ABI1: variants seen among roughly 807,000 people sequenced by gnomAD.
ABI1 encodes abl interactor 1, also known as Abelson interactor 1.
In ABI1, 14 loss-of-function variants were observed where a neutral mutation model predicts 54.6. That is an observed-to-expected ratio of 0.26 (90% CI 0.17 to 0.40). The LOEUF (loss-of-function observed/expected upper bound fraction) is 0.40. Ranked by LOEUF, ABI1 falls within the 10% of genes least tolerant of loss-of-function variation. The pLI, the probability that ABI1 is intolerant of heterozygous loss-of-function variation, is 1.00. For synonymous variants in ABI1, 194 were observed against 209.3 expected (o/e 0.93, Z 0.63); for missense variants, 443 against 598.3 (o/e 0.74, Z 2.71).
At chr10:26,822,419 G>T (rs1426324285) in intron 2 of ABI1, among the ~76,000 whole-genome samples, 3 of 152,062 alleles carry the variant, frequency 2.0e-5, no homozygotes, top group Non-Finnish European at 4.4e-5. Flanking sequence ...GCATACAAAT[G>T]TTTTCATAGG....
chr10:26,808,778 T>C (rs1422220617), intron 2 of ABI1, among the ~76,000 whole-genome samples: 2 of 151,640 alleles, frequency 1.3e-5, no homozygotes, highest in Non-Finnish European at 2.9e-5. Context: ...TTATTCTAAC[T>C]ATGGATTTCA....
At chr10:26,788,719 T>C (rs1175952476) in intron 2 of ABI1, among the ~76,000 whole-genome samples, 1 of 152,036 alleles carries the variant, frequency 6.6e-6, no homozygotes, top group Non-Finnish European at 1.5e-5. Context: ...GAGACTATCC[T>C]GGCTAACACA....
At chr10:26,824,197 T>A (rs1357943925) in intron 1 of ABI1, among the ~76,000 whole-genome samples, 5 of 152,110 alleles carry the variant, frequency 3.3e-5, no homozygotes, top group African/African-American at 1.2e-4. Context: ...AGGAAAGAAA[T>A]GCAAGTGCAA....
At chr10:26,837,379 A>G (rs139810435) in intron 1 of ABI1, among the ~76,000 whole-genome samples, 1 of 152,112 alleles carries the variant, frequency 6.6e-6, no homozygotes, top group Non-Finnish European at 1.5e-5. Flanking sequence ...TCAGGGCTCC[A>G]GCCTTATGAC....
chr10:26,769,050 C>G, intron 5 of ABI1, 58 bp from the exon 6 acceptor site: 1 of 1,348,806 alleles, frequency 7.4e-7, no homozygotes, highest in Non-Finnish European at 9.9e-7. Context: ...TTGTATTTTT[C>G]CCAAAAATAT....
chr10:26,781,913 C>T (rs1461993628), intron 2 of ABI1, among the ~76,000 whole-genome samples: 1 of 152,192 alleles, frequency 6.6e-6, no homozygotes, highest in Non-Finnish European at 1.5e-5. Flanking sequence ...ACATATCTAT[C>T]ATCATAGAGT....
rs548213643 is a variant in ABI1, at chr10:26,781,850, C to T, written c.286-4609G>A. ...TAATCAAGCCACTGATCAAGCTGCA[C>T]GGTTAAGACTGCTACCACTGCTGCT... On this transcript the variant is annotated intron_variant, in intron 2 of 10. Coordinates refer to ENST00000376140, the MANE Select transcript of ABI1 (RefSeq NM_001012750.3). Among the ~76,000 whole-genome samples the T allele has an allele frequency of 1.5e-4, 23 of 152,280 alleles. No homozygotes were observed. In the South Asian group the frequency reaches 3.7e-3, roughly 25 times the overall value.
At chr10:26,842,812 C>T (rs2049627778) in intron 1 of ABI1, among the ~76,000 whole-genome samples, 1 of 152,090 alleles carries the variant, frequency 6.6e-6, no homozygotes. Context: ...TTTAGGAGGC[C>T]GAGGAGGGTG....
intron 10 of ABI1, among the ~76,000 whole-genome samples, chr10:26,749,051 C>T (rs1374172517): frequency 6.6e-6 from 1 of 152,130 alleles, no homozygotes; most frequent in Non-Finnish European, 1.5e-5. Context: ...TACCAAGTGC[C>T]TATCATATGC....
chr10:26,787,057 A>G (rs1347760366), intron 2 of ABI1, among the ~76,000 whole-genome samples: 1 of 152,182 alleles, frequency 6.6e-6, no homozygotes, highest in East Asian at 1.9e-4. Context: ...AAATCCTGTC[A>G]CATCTACCTT....
intron 2 of ABI1, among the ~76,000 whole-genome samples, chr10:26,811,152 G>A (rs2047203510): frequency 6.6e-6 from 1 of 152,024 alleles, no homozygotes; most frequent in African/African-American, 2.4e-5. Flanking sequence ...TCTCTGCTAG[G>A]TGCTATTAAG....
rs554881386 is a variant in ABI1 at position 26,753,218 on chromosome 10, T to C, written c.1085-1435A>G. On this transcript the variant is annotated intron_variant, in intron 9 of 10. Transcript: ENST00000376140. ...AAACCCTATATGGTAATGCTCACTA[T>C]AACACCTATCAAACGGGTCTACAAT... 4.3e-4 allele frequency among the ~76,000 whole-genome samples: 65 copies of C among 152,304 alleles called. 1 individual carries two copies. In the East Asian group the frequency reaches 8.5e-3, roughly 20 times the overall value.
intron 2 of ABI1, among the ~76,000 whole-genome samples, chr10:26,809,846 T>C (rs117250495): frequency 0.015 from 2,271 of 152,164 alleles, 43 homozygotes; most frequent in African/African-American, 0.046. Context: ...GCAAGGAGGG[T>C]AGCATGCCCT....
intron 1 of ABI1, among the ~76,000 whole-genome samples, chr10:26,839,995 A>G (rs973807279): frequency 6.6e-6 from 1 of 152,054 alleles, no homozygotes; most frequent in African/African-American, 2.4e-5. Context: ...GTATCAAAAA[A>G]AACAAAAACA....
At chr10:26,763,142 C>G (rs949698498) in intron 7 of ABI1, among the ~76,000 whole-genome samples, 1 of 152,108 alleles carries the variant, frequency 6.6e-6, no homozygotes, top group African/African-American at 2.4e-5. Flanking sequence ...TCCTTTCTCC[C>G]TTTTCCTTGG....
intron 1 of ABI1, among the ~76,000 whole-genome samples, chr10:26,847,287 A>C (rs1250177790): frequency 1.3e-5 from 2 of 152,156 alleles, no homozygotes; most frequent in African/African-American, 4.8e-5. Flanking sequence ...TTATTCTAAA[A>C]GAATAAGAGT....
chr10:26,834,545 CAA>C (rs1404426478), intron 1 of ABI1, among the ~76,000 whole-genome samples: 1 of 107,880 alleles, frequency 9.3e-6, no homozygotes, highest in East Asian at 2.6e-4. Flanking sequence ...TCAAGACATA[CAA>C]AACACACACA....
intron 2 of ABI1, among the ~76,000 whole-genome samples, chr10:26,795,207 G>GTAGAGATTAAA (rs1433282436): frequency 2.0e-5 from 3 of 150,466 alleles, no homozygotes; most frequent in African/African-American, 7.3e-5. Flanking sequence ...AAGCACCACA[G>GTAGAGATTAAA]TAGAGATTAA....
At chr10:26,764,360 C>T (rs1354739206) in intron 7 of ABI1, among the ~76,000 whole-genome samples, 2 of 152,084 alleles carry the variant, frequency 1.3e-5, no homozygotes, top group Non-Finnish European at 2.9e-5. Context: ...AAGTAACTTT[C>T]CTATCTTAAT....
Sources: gnomAD v4.1 joint callset for allele counts (sites outside exome capture counted in the v4.1 genomes callset) on GRCh38, gnomAD v4.1.1 for gene constraint, MANE v1.5 for transcripts, NCBI Gene and HGNC (gene_info 2026-07-23, HGNC 2026-07-21) for gene names.